PDE10A: variants seen among roughly 807,000 people sequenced by gnomAD.
PDE10A encodes the protein cAMP and cAMP-inhibited cGMP 3',5'-cyclic phosphodiesterase 10A.
A neutral mutation model predicts 97.7 loss-of-function variants in PDE10A; 39 were observed. The ratio of observed to expected loss-of-function variants is 0.40; its 90% CI spans 0.31 to 0.52. PDE10A has a LOEUF of 0.52. Among genes scored for constraint, PDE10A ranks in the 20% least tolerant of loss-of-function variants. The pLI is 0.56. For synonymous variants in PDE10A, 371 were observed against 376.8 expected, an observed-to-expected ratio of 0.98 and a Z score of 0.18; for missense variants, 731 against 1,047.8, an observed-to-expected ratio of 0.70 and a Z score of 4.17.
At chr6:165,792,822 A>G (rs1281035734) in intron 1 of PDE10A, among the ~76,000 whole-genome samples, 3 of 152,194 alleles carry the variant, frequency 2.0e-5, no homozygotes, top group African/African-American at 7.2e-5. Flanking sequence ...GGCATCCAGT[A>G]TTCAATAGAT....
intron 1 of PDE10A, among the ~76,000 whole-genome samples, chr6:165,734,861 T>C (rs1353231122): frequency 2.0e-5 from 3 of 152,214 alleles, no homozygotes; most frequent in East Asian, 1.9e-4. Context: ...AACGCTTAAA[T>C]TGGTAAAACA....
intron 1 of PDE10A, among the ~76,000 whole-genome samples, chr6:165,961,492 G>A (rs903772078): frequency 6.6e-6 from 1 of 152,172 alleles, no homozygotes; most frequent in Non-Finnish European, 1.5e-5. Flanking sequence ...GGTGAGGGCC[G>A]GATCACTGCT....
At chr6:165,742,648 C>T (rs764506368) in intron 1 of PDE10A, among the ~76,000 whole-genome samples, 7 of 152,116 alleles carry the variant, frequency 4.6e-5, no homozygotes, top group Non-Finnish European at 8.8e-5. Flanking sequence ...TCAGCAGATG[C>T]GACTTAAATC....
At chr6:165,783,719 A>G (rs543603886) in intron 1 of PDE10A, among the ~76,000 whole-genome samples, 76 of 152,328 alleles carry the variant, frequency 5.0e-4, no homozygotes, top group Middle Eastern at 3.4e-3. Flanking sequence ...CTGTGTAAGA[A>G]CTGTGACAAA....
intron 1 of PDE10A, among the ~76,000 whole-genome samples, chr6:165,821,329 C>CT (rs1779563166): frequency 6.6e-6 from 1 of 152,178 alleles, no homozygotes; most frequent in African/African-American, 2.4e-5. Context: ...CCCTTTCCCC[C>CT]TTCAGAACAA....
intron 1 of PDE10A, among the ~76,000 whole-genome samples, chr6:165,803,327 G>A (rs987835901): frequency 4.6e-5 from 7 of 151,956 alleles, no homozygotes; most frequent in African/African-American, 1.5e-4. Context: ...CATCTGTGTC[G>A]AGGACCCTTA....
chr6:165,867,370 G>A (rs910837170), intron 1 of PDE10A, among the ~76,000 whole-genome samples: 1 of 151,588 alleles, frequency 6.6e-6, no homozygotes, highest in African/African-American at 2.4e-5. Flanking sequence ...TGCAGGAGTA[G>A]CAAAACTTCT....
intron 1 of PDE10A, among the ~76,000 whole-genome samples, chr6:165,963,499 T>C (rs1367269496): frequency 1.3e-5 from 2 of 152,234 alleles, no homozygotes; most frequent in Admixed American, 1.3e-4. Flanking sequence ...CTACAGTTGT[T>C]TAACATCTTT....
intron 1 of PDE10A, among the ~76,000 whole-genome samples, chr6:165,602,774 C>T (rs1787025373): frequency 6.6e-6 from 1 of 152,174 alleles, no homozygotes; most frequent in African/African-American, 2.4e-5. Flanking sequence ...TCTCACACCT[C>T]ATGCCTACCT....
At chr6:165,500,861 T>C (rs1229332379) in intron 2 of PDE10A, among the ~76,000 whole-genome samples, 1 of 152,084 alleles carries the variant, frequency 6.6e-6, no homozygotes, top group Non-Finnish European at 1.5e-5. Context: ...GGGCTGAAGG[T>C]GAGACATGCT....
intron 5 of PDE10A, among the ~76,000 whole-genome samples, chr6:165,447,136 A>T (rs996323160): frequency 1.3e-5 from 2 of 152,146 alleles, no homozygotes; most frequent in Non-Finnish European, 2.9e-5. Flanking sequence ...GTGATTAAGA[A>T]TGTGGGTTTT....
At chr6:165,378,752 C>T (rs1208554296) in intron 18 of PDE10A, among the ~76,000 whole-genome samples, 1 of 152,192 alleles carries the variant, frequency 6.6e-6, no homozygotes, top group African/African-American at 2.4e-5. Context: ...AATACAATTA[C>T]AGATCAATAA....
intron 1 of PDE10A, among the ~76,000 whole-genome samples, chr6:165,742,692 C>T (rs1239729059): frequency 6.6e-6 from 1 of 152,138 alleles, no homozygotes; most frequent in Non-Finnish European, 1.5e-5. Context: ...GTGAGCACGA[C>T]AGTTCTCAGG....
chr6:165,481,235 C>G (rs901646847), intron 3 of PDE10A, among the ~76,000 whole-genome samples: 27 of 152,158 alleles, frequency 1.8e-4, no homozygotes, highest in Non-Finnish European at 8.8e-5. Flanking sequence ...AGGTCCACCC[C>G]TCTGTCACTT....
chr6:165,397,947 C>A (rs1175244155), intron 13 of PDE10A, among the ~76,000 whole-genome samples: 1 of 151,904 alleles, frequency 6.6e-6, no homozygotes, highest in Non-Finnish European at 1.5e-5. Context: ...TATTTACATA[C>A]ATAGAAATCA....
chr6:165,354,224 G>A (rs572778437), intron 18 of PDE10A, among the ~76,000 whole-genome samples: 1 of 152,306 alleles, frequency 6.6e-6, no homozygotes, highest in East Asian at 1.9e-4. Flanking sequence ...CAGTCTGGAA[G>A]TGTATTTCTG....
In PDE10A at chr6:165,563,887, T is replaced by C. The variant is rs1313243345; in HGVS notation, c.866-20319A>G. 3.0e-5 allele frequency among the ~76,000 whole-genome samples: 4 copies of C among 134,096 alleles called. No homozygotes were observed. The East Asian group carries it at 9.7e-4, about 33-fold the overall frequency. 88.0% of individuals were successfully genotyped at this position (134,096 alleles called of 152,430 possible). On this transcript the variant is annotated intron_variant, in intron 1 of 21. Coordinates refer to ENST00000539869, the MANE Select transcript of PDE10A (RefSeq NM_001385079.1). ...GTCTGGGCGACAGAGGGAGACTGTC[T>C]CAAAAAAAAAAAAAAGGTAGCTATA...
chr6:165,625,108 G>A (rs1177308156), intron 1 of PDE10A, among the ~76,000 whole-genome samples: 1 of 144,388 alleles, frequency 6.9e-6, no homozygotes, highest in Non-Finnish European at 1.5e-5. Context: ...CCGAGTGGCA[G>A]AGGAAGCCAG....
intron 1 of PDE10A, among the ~76,000 whole-genome samples, chr6:165,594,672 G>A (rs765987470): frequency 6.6e-6 from 1 of 152,114 alleles, no homozygotes; most frequent in Non-Finnish European, 1.5e-5. Context: ...TGAGTGATAC[G>A]GTGTTGAGAA....
Sources: gnomAD v4.1 joint callset for allele counts (sites outside exome capture counted in the v4.1 genomes callset) on GRCh38, gnomAD v4.1.1 for gene constraint, MANE v1.5 for transcripts, NCBI Gene and HGNC (gene_info 2026-07-23, HGNC 2026-07-21) for gene names.